Variants in METAP2 observed in about 807,000 individuals in gnomAD.
The protein encoded by METAP2 is methionine aminopeptidase 2.
METAP2 carries 25 observed loss-of-function variants against 59.4 expected under a neutral mutation model. The observed-to-expected ratio is 0.42, with a 90% CI of 0.31 to 0.59. The LOEUF (loss-of-function observed/expected upper bound fraction) is 0.59, where lower values mean the gene tolerates loss of function less well. Among genes scored for constraint, METAP2 ranks in the 20% least tolerant of loss-of-function variants. The pLI, the probability that METAP2 is intolerant of heterozygous loss-of-function variation, is 0.16. For synonymous variants in METAP2, 214 were observed against 194.1 expected (o/e 1.10, Z -0.85); for missense variants, 366 against 581.2 (o/e 0.63, Z 3.81).
intron 2 of METAP2, among the ~76,000 whole-genome samples, chr12:95,477,173 G>A (rs538742473): frequency 1.3e-5 from 2 of 151,826 alleles, no homozygotes; most frequent in African/African-American, 4.8e-5. Context: ...GCGTGATCTC[G>A]GATCACTGCG....
chr12:95,474,819 G>A (rs533345347), intron 1 of METAP2, among the ~76,000 whole-genome samples: 52 of 152,156 alleles, frequency 3.4e-4, no homozygotes, highest in Non-Finnish European at 7.1e-4. Flanking sequence ...CCCGTTTCAC[G>A]TTGGGGTTGT....
In METAP2 at chr12:95,496,111, TA is replaced by T; in HGVS notation, c.867+15del. 6.8e-7 allele frequency: 1 copy of T among 1,480,770 alleles called. No individual in the cohort carries two copies. The highest frequency in any genetic ancestry group is 9.3e-7 in the Non-Finnish European group (1 of 1,072,572). 91.7% of individuals were successfully genotyped at this position (1,480,770 alleles called of 1,614,324 possible). A position where few individuals can be genotyped will look rare whatever the true frequency, so the allele number is the denominator to read the frequency against. On this transcript the variant is annotated intron_variant, in intron 7 of 10. Coordinates refer to ENST00000323666, the MANE Select transcript of METAP2 (RefSeq NM_006838.4). ...CACTGGAATAAAGGTATGTGAACTG[TA>T]AGCACCATTTCATTCCCAATATTTT...
chr12:95,488,042 T>TA (rs1394993131), intron 4 of METAP2, among the ~76,000 whole-genome samples: 15 of 152,322 alleles, frequency 9.8e-5, no homozygotes, highest in African/African-American at 3.1e-4. Flanking sequence ...TATTCTGAAA[T>TA]ACGTTTTTAG....
chr12:95,491,435 A>G (rs2076237008), intron 4 of METAP2, among the ~76,000 whole-genome samples: 1 of 152,230 alleles, frequency 6.6e-6, no homozygotes, highest in African/African-American at 2.4e-5. Flanking sequence ...CAGAGTTAAA[A>G]TATGCTTTAT....
At chr12:95,495,979 T>G in intron 6 of METAP2, 25 bp from the exon 7 acceptor site, 1 of 1,388,326 alleles carries the variant, frequency 7.2e-7, no homozygotes, top group South Asian at 1.2e-5. Context: ...ATAAGTAAAA[T>G]TAAAAGAGGA....
At chr12:95,497,812 TTTTTA>T (rs1045379643) in intron 7 of METAP2, among the ~76,000 whole-genome samples, 97 of 152,146 alleles carry the variant, frequency 6.4e-4, no homozygotes, top group African/African-American at 2.3e-3. Context: ...TTTTTGCCCA[TTTTTA>T]TTTATTTATT....
intron 8 of METAP2, among the ~76,000 whole-genome samples, chr12:95,510,786 G>C (rs942330940): frequency 6.6e-6 from 1 of 152,154 alleles, no homozygotes; most frequent in Non-Finnish European, 1.5e-5. Flanking sequence ...TATCAGCACT[G>C]CAAGTATGAA....
intron 3 of METAP2, 195 bp downstream of exon 3, chr12:95,483,475 CAAAAAAAAAAAAA>C (rs141083015): frequency 3.0e-5 from 2 of 66,668 alleles, no homozygotes; most frequent in South Asian, 4.9e-4. Flanking sequence ...GACTCTGTCT[CAAAAAAAAAAAAA>C]AAAAAAAAAA....
At chr12:95,480,185 A>G (rs2140139014) in intron 2 of METAP2, among the ~76,000 whole-genome samples, 1 of 152,344 alleles carries the variant, frequency 6.6e-6, no homozygotes, top group South Asian at 2.1e-4. Context: ...TTTACTTAGC[A>G]TAATACTTTT....
At chr12:95,509,637 T>TAG (rs1389780534) in intron 8 of METAP2, among the ~76,000 whole-genome samples, 2 of 152,196 alleles carry the variant, frequency 1.3e-5, no homozygotes, top group African/African-American at 4.8e-5. Flanking sequence ...TGGCTTTCCC[T>TAG]AGCTCTGTTT....
chr12:95,513,053 A>C, intron 10 of METAP2, 137 bp downstream of exon 10: 1 of 571,118 alleles, frequency 1.8e-6, no homozygotes, highest in Non-Finnish European at 3.1e-6. Context: ...ATAAGAAAAA[A>C]AAATAGCCTG....
chr12:95,482,234 T>A, intron 2 of METAP2: 1 of 437,660 alleles, frequency 2.3e-6, no homozygotes, highest in Non-Finnish European at 4.6e-6. Context: ...ATCTCAGCTT[T>A]CCAAGTAACT....
intron 10 of METAP2, 70 bp from the exon 11 acceptor site, chr12:95,513,582 C>T: frequency 6.5e-7 from 1 of 1,535,226 alleles, no homozygotes; most frequent in South Asian, 1.3e-5. Context: ...AAGGTCTGGG[C>T]TTTTCTTAAT....
intron 4 of METAP2, among the ~76,000 whole-genome samples, chr12:95,489,516 A>G (rs1185627564): frequency 6.6e-6 from 1 of 152,154 alleles, no homozygotes; most frequent in Non-Finnish European, 1.5e-5. Context: ...ACCAGTTTTG[A>G]CTATTTGCAA....
rs12385818 is a variant in METAP2, at chr12:95,474,291, A to G, written c.112A>G (p.Lys38Glu). 1 of 1,614,216 alleles carries G rather than the reference A, an allele frequency of 6.2e-7. No homozygotes were observed. The change falls in exon 1 of 11, where the codon AAA (lysine) becomes GAA (glutamate). Residue 38 changes from lysine (K) to glutamate (E), a missense_variant. Coordinates refer to ENST00000323666, the MANE Select transcript of METAP2 (RefSeq NM_006838.4). ...TACGGCTGAGGAAGCAGCCAAGAAA[A>G]AAAGACGAAAGAAGAAGAAGAGCAA... ...ASTAEEAAKK[K>E]RRKKKKSKGP...
rs201312120 is a variant in METAP2, at chr12:95,515,599, G to T, written c.*1695G>T. 15 of 152,330 alleles carry T rather than the reference G, an allele frequency of 9.8e-5. No individual in the cohort carries two copies. The highest frequency in any genetic ancestry group is 1.8e-4 in the Non-Finnish European group (12 of 68,030). The allele number at this position is 152,330 out of a possible 1,614,324, so 9.4% of individuals were successfully genotyped here. A position where few individuals can be genotyped will look rare whatever the true frequency, so the allele number is the denominator to read the frequency against. On this transcript the variant is annotated 3_prime_UTR_variant, in exon 11 of 11. Coordinates refer to ENST00000323666, the MANE Select transcript of METAP2 (RefSeq NM_006838.4). ...AGTCATGATCTCAAACCAATTAGGA[G>T]CTCCAAGCTCCCTTCCCAGGTAACT...
chr12:95,476,207 A>T (rs544979383), intron 2 of METAP2, 29 bp downstream of exon 2: 1 of 1,454,996 alleles, frequency 6.9e-7, no homozygotes, highest in East Asian at 2.3e-5. Flanking sequence ...CTTTGTGGTT[A>T]GAAAAGCTAG....
At chr12:95,505,310 A>G (rs2076350015) in intron 8 of METAP2, among the ~76,000 whole-genome samples, 2 of 151,998 alleles carry the variant, frequency 1.3e-5, no homozygotes, top group South Asian at 2.1e-4. Context: ...TCATGTCTAA[A>G]TACTGAAATT....
chr12:95,486,070 C>A, intron 4 of METAP2, 89 bp downstream of exon 4: 1 of 899,834 alleles, frequency 1.1e-6, no homozygotes, highest in Non-Finnish European at 1.7e-6. Flanking sequence ...AACTTTGCTC[C>A]ACTACTTTAA....
Sources: gnomAD v4.1 joint callset for allele counts (sites outside exome capture counted in the v4.1 genomes callset) on GRCh38, gnomAD v4.1.1 for gene constraint, MANE v1.5 for transcripts, NCBI Gene and HGNC (gene_info 2026-07-23, HGNC 2026-07-21) for gene names.